MTUS2: variants seen among roughly 807,000 people sequenced by gnomAD.
The protein encoded by MTUS2 is microtubule associated scaffold protein 2.
Under a neutral mutation model 114.1 loss-of-function variants are expected in MTUS2, and 40 were observed. The observed-to-expected ratio is 0.35, with a 90% CI of 0.27 to 0.46. The LOEUF is 0.46. Among genes scored for constraint, MTUS2 ranks in the 20% least tolerant of loss-of-function variants. The probability of loss-of-function intolerance (pLI) is 1.00; values close to 1 mark genes in which losing one functional copy is unlikely to be tolerated. For synonymous variants in MTUS2, 688 were observed against 672.0 expected, an observed-to-expected ratio of 1.02 and a Z score of -0.37; for missense variants, 1,679 against 1,705.4, an observed-to-expected ratio of 0.98 and a Z score of 0.27.
chr13:29,184,053 C>T (rs749883279), intron 5 of MTUS2, among the ~76,000 whole-genome samples: 12 of 152,196 alleles, frequency 7.9e-5, no homozygotes, highest in East Asian at 1.9e-4. Flanking sequence ...AGCCATGTTA[C>T]GTTTTGCACA....
chr13:29,434,130 A>T (rs4077935), intron 8 of MTUS2, among the ~76,000 whole-genome samples: 52,077 of 151,898 alleles, frequency 0.34, 9,092 homozygotes, highest in Middle Eastern at 0.43. Context: ...TTTCTTTTTT[A>T]AAAAAAATCA....
At chr13:28,929,507 G>T (rs989830249) in intron 2 of MTUS2, among the ~76,000 whole-genome samples, 1 of 152,094 alleles carries the variant, frequency 6.6e-6, no homozygotes. Flanking sequence ...CCTGAAACTT[G>T]ATATTTGAGC....
At chr13:29,227,241 A>G in intron 5 of MTUS2, among the ~76,000 whole-genome samples, 1 of 142,076 alleles carries the variant, frequency 7.0e-6, no homozygotes, top group East Asian at 2.1e-4. Context: ...CCTTTGCAAC[A>G]GAGCAAGACT....
intron 2 of MTUS2, among the ~76,000 whole-genome samples, chr13:28,886,646 C>T (rs1243804419): frequency 2.0e-5 from 3 of 152,058 alleles, no homozygotes; most frequent in African/African-American, 7.2e-5. Context: ...TGTGTGTTGC[C>T]TATGTGCAAA....
chr13:29,324,958 G>A (rs1239485937), intron 7 of MTUS2, among the ~76,000 whole-genome samples: 1 of 152,132 alleles, frequency 6.6e-6, no homozygotes, highest in Non-Finnish European at 1.5e-5. Context: ...AGGGGTATCT[G>A]CCATTCCAAT....
intron 5 of MTUS2, among the ~76,000 whole-genome samples, chr13:29,232,468 T>C (rs977137288): frequency 7.9e-5 from 12 of 152,082 alleles, no homozygotes; most frequent in Non-Finnish European, 1.8e-4. Context: ...AAATAGCCAT[T>C]GGGGGGGAAG....
At chr13:29,193,140 G>C (rs1894515389) in intron 5 of MTUS2, among the ~76,000 whole-genome samples, 1 of 152,130 alleles carries the variant, frequency 6.6e-6, no homozygotes, top group Non-Finnish European at 1.5e-5. Flanking sequence ...ATACCTTGAT[G>C]TTCTTTCTGT....
At position 29,228,673 on chromosome 13, in the gene MTUS2, A is replaced by G. The variant is rs184452731; in HGVS notation, c.2645-53031A>G. Among the ~76,000 whole-genome samples the G allele has an allele frequency of 7.5e-4, 114 of 152,232 alleles. 1 individual carries two copies. Among genetic ancestry groups the G allele is most frequent in the Middle Eastern group, 3.4e-3 (1 of 294 alleles). The stretch of plus-strand genomic sequence containing the variant: ...TAATATTAGCATGAGGAACTAAGTA[A>G]CTCACCAGGTTGTCTGAGGTGGAAG... On this transcript the variant is annotated intron_variant, in intron 5 of 15. Coordinates refer to ENST00000612955, the MANE Select transcript of MTUS2 (RefSeq NM_001033602.4).
Position 29,024,811 on chromosome 13 carries a change from A to G in MTUS2, c.113A>G (p.Asn38Ser), listed in dbSNP as rs749230860. 7.4e-6 allele frequency: 12 copies of G among 1,613,928 alleles called. No homozygotes were observed. The highest frequency in any genetic ancestry group is 3.3e-5 in the Admixed American group (2 of 60,002). The stretch of plus-strand genomic sequence containing the variant: ...TTAAGTCTGGGAGATACGAATGCCA[A>G]TCAAATCATGTTGGAGGTCAGCTCC... ...SILSLGDTNA[N>S]QIMLEVSSSH... The change falls in exon 3 of 16, where the codon AAT (asparagine) becomes AGT (serine). Residue 38 changes from asparagine to serine, a missense_variant. Physicochemically the swap from Asn to Ser is conservative, Grantham distance 46 (BLOSUM62 1). Around this residue, in one of 3 missense-constraint regions of MTUS2, gnomAD observed 843 missense variants for 770.8 expected, o/e 1.09. Transcript: ENST00000612955.
chr13:29,013,788 G>A (rs1885952386), intron 2 of MTUS2, among the ~76,000 whole-genome samples: 1 of 140,290 alleles, frequency 7.1e-6, no homozygotes, highest in Non-Finnish European at 1.6e-5. Flanking sequence ...ACACACATAC[G>A]TGCACAGGCA....
intron 12 of MTUS2, among the ~76,000 whole-genome samples, chr13:29,493,327 T>C (rs4238123): frequency 0.69 from 104,115 of 151,980 alleles, 36,899 homozygotes; most frequent in Non-Finnish European, 0.79. Flanking sequence ...GAGACCGAGG[T>C]AGCTGCCTCT....
chr13:29,092,021 TA>T (rs1300021713), intron 4 of MTUS2, among the ~76,000 whole-genome samples: 2 of 152,130 alleles, frequency 1.3e-5, no homozygotes, highest in Non-Finnish European at 2.9e-5. Flanking sequence ...CCTGAAGAGG[TA>T]AGATGAACCT....
At chr13:28,978,563 T>A (rs1884221703) in intron 2 of MTUS2, among the ~76,000 whole-genome samples, 1 of 152,234 alleles carries the variant, frequency 6.6e-6, no homozygotes. Context: ...TAGCAGGCCA[T>A]CTTTGTTATA....
At chr13:29,379,088 C>T (rs190957686) in intron 8 of MTUS2, among the ~76,000 whole-genome samples, 104 of 152,338 alleles carry the variant, frequency 6.8e-4, no homozygotes, top group African/African-American at 2.3e-3. Flanking sequence ...CCTCCACCAT[C>T]ATTGTAAGTT....
chr13:29,368,687 G>C (rs1455452704), intron 8 of MTUS2, among the ~76,000 whole-genome samples: 1 of 152,140 alleles, frequency 6.6e-6, no homozygotes, highest in Non-Finnish European at 1.5e-5. Context: ...CATCCCTCCA[G>C]AGCTGGTACA....
intron 9 of MTUS2, among the ~76,000 whole-genome samples, chr13:29,478,580 A>G (rs1296490839): frequency 6.6e-6 from 1 of 152,154 alleles, no homozygotes; most frequent in Non-Finnish European, 1.5e-5. Flanking sequence ...TTTTCCATCA[A>G]TATTGTTTAG....
chr13:29,315,465 A>T (rs545468211), intron 6 of MTUS2, among the ~76,000 whole-genome samples: 46 of 152,330 alleles, frequency 3.0e-4, no homozygotes, highest in African/African-American at 1.1e-3. Context: ...GCCAATTAGA[A>T]TAATAAAAAT....
intron 6 of MTUS2, among the ~76,000 whole-genome samples, chr13:29,306,053 T>C (rs1899436349): frequency 6.6e-6 from 1 of 152,214 alleles, no homozygotes; most frequent in African/African-American, 2.4e-5. Flanking sequence ...TTATCTCTAA[T>C]AGATTCAGAA....
chr13:29,489,261 C>CG (rs1318052899), intron 11 of MTUS2, among the ~76,000 whole-genome samples: 13 of 151,716 alleles, frequency 8.6e-5, no homozygotes, highest in African/African-American at 2.7e-4. Flanking sequence ...AGCGAAACTC[C>CG]GCCTCAAAAA....
Sources: allele counts gnomAD v4.1 joint callset (sites outside exome capture counted in the v4.1 genomes callset), GRCh38; gene constraint gnomAD v4.1.1; regional missense constraint gnomAD v4.1.1; transcripts MANE v1.5; gene names NCBI Gene and HGNC (gene_info 2026-07-23, HGNC 2026-07-21).